Variants in ADNP2 observed in about 807,000 individuals in gnomAD.
The protein encoded by ADNP2 is ADNP homeobox 2.
In ADNP2, 8 loss-of-function variants were observed where a neutral mutation model predicts 16.4. The observed-to-expected ratio is 0.49, with a 90% CI of 0.29 to 0.88. The LOEUF (loss-of-function observed/expected upper bound fraction) is 0.88, where lower values mean the gene tolerates loss of function less well. ADNP2 is among the 40% of genes least tolerant of loss of function. The pLI is 0.09. For missense variants in ADNP2, 1,397 were observed against 1,395.1 expected, an observed-to-expected ratio of 1.00 and a Z score of -0.02; for synonymous variants, 637 against 545.8, an observed-to-expected ratio of 1.17 and a Z score of -2.33.
intron 2 of ADNP2, among the ~76,000 whole-genome samples, chr18:80,128,932 T>C (rs189962040): frequency 7.3e-4 from 111 of 152,260 alleles, no homozygotes; most frequent in Non-Finnish European, 1.3e-3. Flanking sequence ...CATCGTATTG[T>C]TAGCTGTTTC....
intron 2 of ADNP2, among the ~76,000 whole-genome samples, chr18:80,129,014 C>T (rs1296056191): frequency 1.3e-5 from 2 of 151,476 alleles, no homozygotes; most frequent in East Asian, 3.9e-4. Flanking sequence ...TCACTTTTCT[C>T]TGTTCTGTCT....
chr18:80,133,056 T>C (rs772604864), intron 2 of ADNP2, 47 bp from the exon 3 acceptor site: 2 of 1,313,012 alleles, frequency 1.5e-6, no homozygotes, highest in Non-Finnish European at 2.2e-6. Flanking sequence ...AATATTTCTT[T>C]ATCTTCTGAA....
intron 2 of ADNP2, among the ~76,000 whole-genome samples, chr18:80,129,167 G>C (rs747090644): frequency 7.0e-6 from 1 of 143,266 alleles, no homozygotes; most frequent in Non-Finnish European, 1.5e-5. Context: ...GCAGTGGTGA[G>C]ATCTCGGCTC....
At position 80,138,266 on chromosome 18, in the gene ADNP2, C is replaced by T. The variant is rs371662568; in HGVS notation, c.2853C>T (p.Ala951=). The T allele has an allele frequency of 5.0e-6, 8 of 1,613,984 alleles. No individual in the cohort carries two copies. In the African/African-American group the frequency reaches 8.0e-5, roughly 16 times the overall value. The change falls in exon 4 of 4, where the codon GCC becomes GCT. Residue 951 remains alanine, a synonymous_variant. Transcript: ENST00000262198. ...AGGACAGCAGCTCAGACCTGCAGGCCCAGCCGGGTTTTATTCACAACAGTG... is the reference window on the plus strand; with the variant it reads ...AGGACAGCAGCTCAGACCTGCAGGCTCAGCCGGGTTTTATTCACAACAGTG... The part of the protein sequence containing the change: ...APKDSSSDLQ[A]QPGFIHNSEL...
intron 2 of ADNP2, 85 bp downstream of exon 2, chr18:80,117,735 G>C: frequency 3.0e-6 from 3 of 990,478 alleles, no homozygotes; most frequent in Non-Finnish European, 4.5e-6. Context: ...TCCTCAAAAT[G>C]GAAATTGCTG....
intron 1 of ADNP2, among the ~76,000 whole-genome samples, chr18:80,115,595 T>G (rs2052384025): frequency 6.6e-6 from 1 of 152,204 alleles, no homozygotes. Context: ...TTGTGCCTTT[T>G]TAGATATTGT....
In ADNP2 at chr18:80,138,914, G is replaced by A. The variant is rs183347665; in HGVS notation, c.*105G>A. The A allele has an allele frequency of 2.6e-4, 284 of 1,090,508 alleles. No homozygotes were observed. The East Asian group carries it at 6.2e-3, about 24-fold the overall frequency. 67.6% of individuals were successfully genotyped at this position (1,090,508 alleles called of 1,614,324 possible). ...CTGTGTTGGTGAATCAACCTCAGTGGTCACTGTGCTGCTCTGCAGAGTTAC... is the reference window on the plus strand; with the variant it reads ...CTGTGTTGGTGAATCAACCTCAGTGATCACTGTGCTGCTCTGCAGAGTTAC... On this transcript the variant is annotated 3_prime_UTR_variant, in exon 4 of 4. Coordinates refer to ENST00000262198, the MANE Select transcript of ADNP2 (RefSeq NM_014913.4).
chr18:80,137,155 C>A lies in ADNP2; in HGVS notation c.1742C>A (p.Pro581Gln), dbSNP rs200492916. Residue 581 changes from proline to glutamine, a missense_variant, in exon 4 of 4, where the codon CCA becomes CAA. Coordinates refer to ENST00000262198, the MANE Select transcript of ADNP2 (RefSeq NM_014913.4). This position sits in a 1 kb window ranked among gnomAD's most constrained non-coding sequence, Gnocchi z 4.2. ...ACCAACATTCTGCCTGTGAATCAGC[C>A]AGTGAGACCTGGTGCTTCGCAGAAC... The part of the protein sequence containing the change: ...VGTNILPVNQ[P>Q]VRPGASQNTT... 13 of 1,614,214 alleles carry A rather than the reference C, an allele frequency of 8.1e-6. No homozygotes were observed. In the East Asian group the frequency reaches 2.9e-4, roughly 36 times the overall value.
At position 80,136,577 on chromosome 18, in the gene ADNP2, T is replaced by C. The variant is rs1043609177; in HGVS notation, c.1164T>C (p.Ser388=). The change falls in exon 4 of 4, where the codon AGT becomes AGC. Residue 388 remains serine (S), a synonymous_variant. Coordinates refer to ENST00000262198, the MANE Select transcript of ADNP2 (RefSeq NM_014913.4). ...CTGTCAATAAGTCTGTTGGAACTAG[T>C]GTCCTCCCCATAAATCAGACTGTTC... ...VGPVNKSVGT[S]VLPINQTVRP... is the part of the protein sequence containing the mutation. The C allele has an allele frequency of 1.1e-5, 17 of 1,614,122 alleles. No homozygotes were observed. In the Admixed American group the frequency reaches 1.8e-4, roughly 17 times the overall value.
At chr18:80,116,462 A>G (rs1053379559) in intron 1 of ADNP2, among the ~76,000 whole-genome samples, 4 of 152,140 alleles carry the variant, frequency 2.6e-5, no homozygotes, top group East Asian at 3.9e-4. Flanking sequence ...TCAGGCACAC[A>G]TGAAGACTGG....
rs1386329968 is a variant in ADNP2, at chr18:80,117,554, TC to T, written c.14del (p.Pro5LeufsTer15). 6.3e-7 allele frequency: 1 copy of T among 1,593,856 alleles called. No individual in the cohort carries two copies. The highest frequency in any genetic ancestry group is 8.5e-7 in the Non-Finnish European group (1 of 1,174,008). MFQIPVENLDNIRKV... is the reference protein window; with the variant it reads MFQIXVENLDNIRKV... ...GGAAAATTTCAAAAATGTTTCAAAT[TC>T]CTGTGGAAAATCTTGACAACATCAG... On this transcript the variant is annotated frameshift_variant, in exon 2 of 4. Transcript: ENST00000262198. LOFTEE classifies it high-confidence loss of function.
intron 2 of ADNP2, among the ~76,000 whole-genome samples, chr18:80,119,413 CAA>C (rs5826687): frequency 0.21 from 23,597 of 113,654 alleles, 2,096 homozygotes; most frequent in Middle Eastern, 0.3. Context: ...GACTCCGTCT[CAA>C]AAAAAAAAAA....
intron 3 of ADNP2, 27 bp downstream of exon 3, chr18:80,133,219 A>G (rs746055325): frequency 1.6e-5 from 25 of 1,563,724 alleles, no homozygotes; most frequent in Non-Finnish European, 1.9e-5. Flanking sequence ...TTTGTTTTTC[A>G]TGTTTCCTCA....
chr18:80,127,389 T>A (rs1034214711), intron 2 of ADNP2, among the ~76,000 whole-genome samples: 10 of 150,950 alleles, frequency 6.6e-5, no homozygotes, highest in African/African-American at 2.4e-4. Flanking sequence ...TTTGTGTATT[T>A]CTCTTGCTTT....
At chr18:80,134,386 AGT>A (rs34515123) in intron 3 of ADNP2, among the ~76,000 whole-genome samples, 28,653 of 146,090 alleles carry the variant, frequency 0.2, 2,837 homozygotes, top group Middle Eastern at 0.27. Context: ...AGAATGGAAG[AGT>A]GTGTGTGTGT....
At chr18:80,128,575 G>C (rs540259567) in intron 2 of ADNP2, among the ~76,000 whole-genome samples, 6 of 152,170 alleles carry the variant, frequency 3.9e-5, no homozygotes, top group African/African-American at 1.4e-4. Flanking sequence ...GGTTGAACAC[G>C]GGAGGTGGAG....
At position 80,138,572 on chromosome 18, in the gene ADNP2, AAAG is replaced by A. The variant is rs1217142973; in HGVS notation, c.3163_3165del (p.Lys1055del). On this transcript the variant is annotated inframe_deletion, in exon 4 of 4. Coordinates refer to ENST00000262198, the MANE Select transcript of ADNP2 (RefSeq NM_014913.4). ...AATATGAAGGCCGTTCTTATGAAGA[AAAG>A]AAGCAATTTCTTAAAGATTATTTCC... 11 of 1,610,078 alleles carry A rather than the reference AAAG, an allele frequency of 6.8e-6. No homozygotes were observed. Among genetic ancestry groups the A allele is most frequent in the East Asian group, 2.2e-5 (1 of 44,878 alleles).
chr18:80,131,147 C>G, intron 2 of ADNP2, among the ~76,000 whole-genome samples: 1 of 152,206 alleles, frequency 6.6e-6, no homozygotes, highest in Non-Finnish European at 1.5e-5. Context: ...AACCCCTGCT[C>G]TGAGGATGCT....
chr18:80,124,748 C>G (rs2052447389), intron 2 of ADNP2, among the ~76,000 whole-genome samples: 1 of 152,166 alleles, frequency 6.6e-6, no homozygotes, highest in Non-Finnish European at 1.5e-5. Context: ...CTGAAGCTAC[C>G]TAGGGGCTGC....
Sources: allele counts gnomAD v4.1 joint callset (sites outside exome capture counted in the v4.1 genomes callset), GRCh38; gene constraint gnomAD v4.1.1; non-coding constraint Gnocchi (gnomAD v3.1); transcripts MANE v1.5; gene names NCBI Gene and HGNC (gene_info 2026-07-23, HGNC 2026-07-21).